The following GRK7 variants were observed in gnomAD, a reference collection of about 807,000 sequenced individuals.
GRK7 encodes G protein-coupled receptor kinase 7.
A neutral mutation model predicts 34.1 loss-of-function variants in GRK7; 24 were observed. The observed-to-expected ratio is 0.70, with a 90% confidence interval of 0.51 to 0.99. GRK7 has a LOEUF of 0.99. Ranked by LOEUF, GRK7 falls within the 50% of genes least tolerant of loss-of-function variation. The pLI, the probability that GRK7 is intolerant of heterozygous loss-of-function variation, is 0.00. For synonymous variants in GRK7, 256 were observed against 279.4 expected (o/e 0.92, Z 0.84); for missense variants, 644 against 707.3 (o/e 0.91, Z 1.02).
chr3:141,762,166 C>T (rs1322380311), upstream of GRK7, among the ~76,000 whole-genome samples: 12 of 150,572 alleles, frequency 8.0e-5, no homozygotes, highest in South Asian at 2.4e-3. Flanking sequence ...TGAGGAACTG[C>T]GTTCCTTTGG....
rs1000393037 is a variant in GRK7 at position 141,817,662 on chromosome 3, A to G, written c.*612A>G. ...ATGTTGAAGCATTTTAAACATAAAC[A>G]TCCATGACATCTGTGAATTAAAGCA... is the stretch of plus-strand genomic sequence containing the variant. On this transcript the variant is annotated 3_prime_UTR_variant, in exon 6 of 6. Coordinates refer to ENST00000682958, the MANE Select transcript of GRK7 (RefSeq NM_139209.3). 6.6e-6 allele frequency: 1 copy of G among 152,260 alleles called. No individual in the cohort carries two copies. Among genetic ancestry groups the G allele is most frequent in the Non-Finnish European group, 1.5e-5 (1 of 68,048 alleles). The allele number at this position is 152,260 out of a possible 1,614,324, so 9.4% of individuals were successfully genotyped here. A position where few individuals can be genotyped will look rare whatever the true frequency, so the allele number is the denominator to read the frequency against.
chr3:141,806,918 T>G (rs140707186), intron 4 of GRK7, among the ~76,000 whole-genome samples: 1 of 151,786 alleles, frequency 6.6e-6, no homozygotes, highest in Non-Finnish European at 1.5e-5. Context: ...TAAATAGATA[T>G]GTCTTATATA....
chr3:141,785,472 G>A (rs2084691760), intron 4 of GRK7, among the ~76,000 whole-genome samples: 1 of 152,054 alleles, frequency 6.6e-6, no homozygotes, highest in African/African-American at 2.4e-5. Context: ...AAATTTTTTT[G>A]TTTTGTTTTA....
intron 4 of GRK7, among the ~76,000 whole-genome samples, chr3:141,795,451 T>C (rs948918673): frequency 6.6e-6 from 1 of 152,152 alleles, no homozygotes; most frequent in African/African-American, 2.4e-5. Flanking sequence ...GGCCTGAGGC[T>C]CAGTCGCAGA....
Position 141,818,914 on chromosome 3 carries a change from G to A in GRK7, c.*1864G>A, listed in dbSNP as rs148062952. Reference sequence around the variant, plus strand: ...GAAGCCCTCTGAGAGTTGAGGCCTCGGCCGGTGCACCTGCGGCTCACTTTC... The same window carrying A: ...GAAGCCCTCTGAGAGTTGAGGCCTCAGCCGGTGCACCTGCGGCTCACTTTC... On this transcript the variant is annotated 3_prime_UTR_variant, in exon 6 of 6. Transcript: ENST00000682958. 3.3e-5 allele frequency among the ~76,000 whole-genome samples: 5 copies of A among 152,242 alleles called. No homozygotes were observed. Among genetic ancestry groups the A allele is most frequent in the African/African-American group, 9.6e-5 (4 of 41,550 alleles).
the GRK7 span, among the ~76,000 whole-genome samples, chr3:141,753,847 G>A: frequency 6.6e-6 from 1 of 152,324 alleles, no homozygotes; most frequent in African/African-American, 2.4e-5. Flanking sequence ...TTTCATAAAT[G>A]CTAAAACAAT....
chr3:141,811,043 G>T (rs904533602), intron 5 of GRK7, among the ~76,000 whole-genome samples: 1 of 152,014 alleles, frequency 6.6e-6, no homozygotes, highest in African/African-American at 2.4e-5. Flanking sequence ...GGCCGGGCGC[G>T]GTGTCTCATA....
rs1256428562 is a variant in GRK7, at chr3:141,774,676, G to A, written c.-118G>A. Among the ~76,000 whole-genome samples, 3 of 151,868 alleles carry A rather than the reference G, an allele frequency of 2.0e-5. No homozygotes were observed. Among genetic ancestry groups the A allele is most frequent in the Non-Finnish European group, 4.4e-5 (3 of 67,994 alleles). Reference sequence around the variant, plus strand: ...TCTCAGACTGATTTTTCACTGTATTGTCAGGTGAGCAAAACTTTAAAAATA... The same window carrying A: ...TCTCAGACTGATTTTTCACTGTATTATCAGGTGAGCAAAACTTTAAAAATA... On this transcript the variant is annotated 5_prime_UTR_variant, in exon 2 of 6. Coordinates refer to ENST00000682958, the MANE Select transcript of GRK7 (RefSeq NM_139209.3).
chr3:141,811,356 A>T (rs1466144814), intron 5 of GRK7, among the ~76,000 whole-genome samples: 3 of 152,022 alleles, frequency 2.0e-5, no homozygotes, highest in Non-Finnish European at 2.9e-5. Context: ...AATAAAATAT[A>T]TCTTAATACT....
chr3:141,780,356 T>C lies in GRK7; in HGVS notation c.613-18T>C. ...CATCTACTTCTACCTCTTTCTCTTC[T>C]TTTCTTTCTCCTTTAAGGTATGTGC... On this transcript the variant is annotated intron_variant, in intron 3 of 5. Coordinates refer to ENST00000682958, the MANE Select transcript of GRK7 (RefSeq NM_139209.3). 1 of 1,605,388 alleles carries C rather than the reference T, an allele frequency of 6.2e-7. No homozygotes were observed. Among genetic ancestry groups the C allele is most frequent in the Non-Finnish European group, 8.5e-7 (1 of 1,174,854 alleles).
chr3:141,801,033 G>A (rs1369092332), intron 4 of GRK7, among the ~76,000 whole-genome samples: 3 of 152,104 alleles, frequency 2.0e-5, no homozygotes, highest in Non-Finnish European at 2.9e-5. Flanking sequence ...TGCATGGGCC[G>A]GGTGCAGTGG....
At chr3:141,774,702 A>G (rs1171408617) in intron 2 of GRK7, among the ~76,000 whole-genome samples, 22 bp downstream of exon 2, 6 of 152,066 alleles carry the variant, frequency 3.9e-5, no homozygotes, top group Admixed American at 3.9e-4. Context: ...TTTAAAAATA[A>G]TGGTAGGTAC....
At chr3:141,790,004 T>TTTTG (rs982511546) in intron 4 of GRK7, among the ~76,000 whole-genome samples, 6 of 152,158 alleles carry the variant, frequency 3.9e-5, no homozygotes, top group South Asian at 4.1e-4. Flanking sequence ...CCTTATGTTT[T>TTTTG]TTTGTTTGTT....
At chr3:141,790,528 C>G (rs1245227470) in intron 4 of GRK7, among the ~76,000 whole-genome samples, 1 of 151,414 alleles carries the variant, frequency 6.6e-6, no homozygotes, top group East Asian at 1.9e-4. Flanking sequence ...ATAGGTGCAG[C>G]ACAATTAAAC....
intron 5 of GRK7, among the ~76,000 whole-genome samples, chr3:141,810,369 C>T (rs55844234): frequency 0.02 from 1,677 of 83,518 alleles, 9 homozygotes; most frequent in South Asian, 0.034. Flanking sequence ...TCTCTCCCAT[C>T]CCTCCTTCCC....
At chr3:141,760,674 G>A (rs1328500282), upstream of GRK7, among the ~76,000 whole-genome samples, 3 of 150,874 alleles carry the variant, frequency 2.0e-5, no homozygotes, top group Non-Finnish European at 4.4e-5. Flanking sequence ...TATCCTTGTT[G>A]ACTTTCTGTC....
chr3:141,757,283 C>G, the GRK7 span, among the ~76,000 whole-genome samples: 2 of 151,702 alleles, frequency 1.3e-5, no homozygotes, highest in Admixed American at 6.6e-5. Flanking sequence ...ATATCTATCT[C>G]CCAATGCTAT....
At chr3:141,773,731 A>C (rs2084627015) in intron 1 of GRK7, among the ~76,000 whole-genome samples, 4 of 152,172 alleles carry the variant, frequency 2.6e-5, no homozygotes, top group Non-Finnish European at 1.5e-5. Context: ...CGTGATTTAA[A>C]AGCTAATACT....
intron 1 of GRK7, among the ~76,000 whole-genome samples, chr3:141,774,239 C>T (rs1467845545): frequency 3.3e-5 from 5 of 151,920 alleles, no homozygotes; most frequent in South Asian, 2.1e-4. Context: ...TCGAGACCAG[C>T]CTGGGCAACA....
Sources: gnomAD v4.1 joint callset for allele counts (sites outside exome capture counted in the v4.1 genomes callset) on GRCh38, gnomAD v4.1.1 for gene constraint, MANE v1.5 for transcripts, NCBI Gene and HGNC (gene_info 2026-07-23, HGNC 2026-07-21) for gene names.